The following RAPH1 variants were observed in gnomAD, a reference collection of about 807,000 sequenced individuals.
RAPH1 encodes Ras association (RalGDS/AF-6) and pleckstrin homology domains 1, also known as ras-associated and pleckstrin homology domains-containing protein 1.
RAPH1 carries 18 observed loss-of-function variants against 88.1 expected under a neutral mutation model. The ratio of observed to expected loss-of-function variants is 0.20; its 90% confidence interval spans 0.14 to 0.30. The LOEUF (loss-of-function observed/expected upper bound fraction) is 0.30, where lower values mean the gene tolerates loss of function less well. Ranked by LOEUF, RAPH1 falls within the 10% of genes least tolerant of loss-of-function variation. The pLI is 1.00. For missense variants in RAPH1, 1,448 were observed against 1,543.2 expected (o/e 0.94, Z 1.03); for synonymous variants, 587 against 559.0 (o/e 1.05, Z -0.71).
chr2:203,506,856 C>CTATATATATATATA (rs1231672342), intron 1 of RAPH1, among the ~76,000 whole-genome samples: 1 of 30,776 alleles, frequency 3.2e-5, no homozygotes, highest in Non-Finnish European at 5.4e-5. Flanking sequence ...CTATCTATAT[C>CTATATATATATATA]TATATATATA....
intron 1 of RAPH1, among the ~76,000 whole-genome samples, chr2:203,507,160 G>A (rs1228015726): frequency 6.6e-6 from 1 of 151,176 alleles, no homozygotes; most frequent in Non-Finnish European, 1.5e-5. Context: ...GCCTCCCAAA[G>A]TGCTGGGATT....
intron 3 of RAPH1, among the ~76,000 whole-genome samples, chr2:203,490,318 A>C (rs187192525): frequency 1.3e-4 from 20 of 152,348 alleles, no homozygotes; most frequent in African/African-American, 4.8e-4. Flanking sequence ...GTTCAAAGAC[A>C]AAAACACTAC....
chr2:203,528,297 C>T (rs191571374), intron 1 of RAPH1, among the ~76,000 whole-genome samples: 16 of 152,136 alleles, frequency 1.1e-4, no homozygotes, highest in Admixed American at 3.9e-4. Flanking sequence ...CATATCTACA[C>T]ACTCTAAGAA....
At chr2:203,445,961 G>A (rs1268600232) in intron 12 of RAPH1, 1 of 149,678 alleles carries the variant, frequency 6.7e-6, no homozygotes, top group African/African-American at 2.4e-5. Flanking sequence ...TTCTCCTTTG[G>A]GGAAAAAGTG....
chr2:203,485,795 C>T (rs563060304), intron 4 of RAPH1, among the ~76,000 whole-genome samples: 2 of 152,060 alleles, frequency 1.3e-5, no homozygotes, highest in South Asian at 4.2e-4. Context: ...ATGTGTACTA[C>T]TGACATCTAG....
At chr2:203,509,358 G>A (rs917044887) in intron 1 of RAPH1, among the ~76,000 whole-genome samples, 2 of 151,862 alleles carry the variant, frequency 1.3e-5, no homozygotes, top group African/African-American at 4.8e-5. Flanking sequence ...ACCACACCCG[G>A]CCCTAAAAAA....
intron 1 of RAPH1, among the ~76,000 whole-genome samples, chr2:203,531,788 G>T (rs1214142621): frequency 6.6e-6 from 1 of 152,216 alleles, no homozygotes; most frequent in East Asian, 1.9e-4. Flanking sequence ...TGCATTGCTA[G>T]TGGGAATGTA....
chr2:203,448,603 G>T lies in RAPH1; in HGVS notation c.1512+135C>A, dbSNP rs1248173636. 1.2e-5 allele frequency: 6 copies of T among 518,550 alleles called. No individual in the cohort carries two copies. The highest frequency in any genetic ancestry group is 1.7e-5 in the Non-Finnish European group (5 of 297,924). The allele number at this position is 518,550 out of a possible 1,614,324, so 32.1% of individuals were successfully genotyped here. A position where few individuals can be genotyped will look rare whatever the true frequency, so the allele number is the denominator to read the frequency against. On this transcript the variant is annotated intron_variant, in intron 11 of 13. Coordinates refer to ENST00000319170, the MANE Select transcript of RAPH1 (RefSeq NM_213589.3). This position sits in a 1 kb window ranked among gnomAD's most constrained non-coding sequence, Gnocchi z 4.1. ...GGAAAAAAGACAACATTTAAAACTT[G>T]AAACTTAGGCCTGAAAAACGTAGGC... is the stretch of plus-strand genomic sequence containing the variant.
rs2098497351 is a variant in RAPH1, at chr2:203,435,093, G to GT, written c.*4343dup. ...CAAAGAGCAAACCAACTGGAGAAAT[G>GT]TATGTTTTTTCTTTTTATTTATCAA... On this transcript the variant is annotated 3_prime_UTR_variant, in exon 14 of 14. Coordinates refer to ENST00000319170, the MANE Select transcript of RAPH1 (RefSeq NM_213589.3). 5 of 152,576 alleles carry GT rather than the reference G, an allele frequency of 3.3e-5. No homozygotes were observed. Among genetic ancestry groups the GT allele is most frequent in the Admixed American group, 3.3e-4 (5 of 15,282 alleles). The allele number at this position is 152,576 out of a possible 1,614,324, so 9.5% of individuals were successfully genotyped here.
Position 203,444,975 on chromosome 2 carries a change from C to T in RAPH1, c.1669G>A (p.Gly557Arg), listed in dbSNP as rs945343700. Residue 557 changes from glycine to arginine, a missense_variant, in exon 13 of 14, where the codon GGA becomes AGA. Gly to Arg is a moderately radical substitution (Grantham distance 125). Transcript: ENST00000319170. ...CCTGCTGGCTGGGTGTCAGAAACTCCGCTATCAGACTGATTGGAGTGGTTT... is the reference window on the plus strand; with the variant it reads ...CCTGCTGGCTGGGTGTCAGAAACTCTGCTATCAGACTGATTGGAGTGGTTT... ...QSNHSNQSDS[G>R]VSDTQPAGHV... 13 of 1,613,952 alleles carry T rather than the reference C, an allele frequency of 8.1e-6. No homozygotes were observed. Among genetic ancestry groups the T allele is most frequent in the Middle Eastern group, 1.6e-4 (1 of 6,084 alleles).
intron 1 of RAPH1, among the ~76,000 whole-genome samples, chr2:203,525,513 C>T (rs1690074718): frequency 6.6e-6 from 1 of 151,280 alleles, no homozygotes; most frequent in African/African-American, 2.4e-5. Flanking sequence ...TTGAATATTA[C>T]CACTAAAAAG....
At chr2:203,475,133 C>A (rs1314283895) in intron 4 of RAPH1, among the ~76,000 whole-genome samples, 2 of 149,670 alleles carry the variant, frequency 1.3e-5, no homozygotes, top group African/African-American at 4.9e-5. Flanking sequence ...TATGGCCGGG[C>A]GCAGTGACTC....
At chr2:203,486,173 CAG>C (rs146900436) in intron 4 of RAPH1, among the ~76,000 whole-genome samples, 2,623 of 151,380 alleles carry the variant, frequency 0.017, 76 homozygotes, top group East Asian at 0.097. Flanking sequence ...TGGCTTGAAC[CAG>C]AGAGATTTAA....
At chr2:203,490,488 AGACT>A (rs1388106057) in intron 3 of RAPH1, among the ~76,000 whole-genome samples, 1 of 152,244 alleles carries the variant, frequency 6.6e-6, no homozygotes, top group African/African-American at 2.4e-5. Context: ...AAAAAATTAC[AGACT>A]GACAGGTCAA....
intron 4 of RAPH1, among the ~76,000 whole-genome samples, chr2:203,462,592 A>G (rs1348238831): frequency 6.6e-6 from 1 of 152,228 alleles, no homozygotes; most frequent in Non-Finnish European, 1.5e-5. Context: ...TTATTAGTTT[A>G]CTGACAATAT....
rs1251314485 is a variant in RAPH1, at chr2:203,458,191, G to A, written c.1093-596C>T. Among the ~76,000 whole-genome samples the A allele has an allele frequency of 4.6e-5, 7 of 152,230 alleles. No individual in the cohort carries two copies. In the East Asian group the frequency reaches 7.7e-4, roughly 17 times the overall value. On this transcript the variant is annotated intron_variant, in intron 7 of 13. Coordinates refer to ENST00000319170, the MANE Select transcript of RAPH1 (RefSeq NM_213589.3). The stretch of plus-strand genomic sequence containing the variant: ...TCAAGACCAGCCTGACCAACACGGT[G>A]AAACCCCGTCTCTACTAAAAATACA...
intron 3 of RAPH1, 118 bp downstream of exon 3, chr2:203,491,096 G>T: frequency 1.8e-6 from 1 of 545,184 alleles, no homozygotes; most frequent in Non-Finnish European, 3.2e-6. Context: ...TAAGAACTTG[G>T]TCGAGTTATG....
intron 4 of RAPH1, among the ~76,000 whole-genome samples, chr2:203,463,855 A>G (rs1442190290): frequency 6.6e-6 from 1 of 152,182 alleles, no homozygotes; most frequent in East Asian, 1.9e-4. Context: ...AAACGAGAAA[A>G]CTAAATTACT....
intron 1 of RAPH1, among the ~76,000 whole-genome samples, chr2:203,506,826 A>ATATATCTATATATC (rs1553630493): frequency 1.2e-4 from 3 of 24,220 alleles, no homozygotes; most frequent in African/African-American, 4.5e-4. Flanking sequence ...ATATCTATAT[A>ATATATCTATATATC]TATATCTATA....
Sources: gnomAD v4.1 joint callset for allele counts (sites outside exome capture counted in the v4.1 genomes callset) on GRCh38, gnomAD v4.1.1 for gene constraint, Gnocchi (gnomAD v3.1) non-coding constraint, MANE v1.5 for transcripts, NCBI Gene and HGNC (gene_info 2026-07-23, HGNC 2026-07-21) for gene names.